The following TBC1D30 variants were observed in gnomAD, a reference collection of about 807,000 sequenced individuals.
The protein encoded by TBC1D30 is TBC1 domain family, member 30.
TBC1D30 carries 31 observed loss-of-function variants against 63.2 expected under a neutral mutation model. That is an observed-to-expected ratio of 0.49 (90% CI 0.37 to 0.66). The LOEUF is 0.66. Ranked by LOEUF, TBC1D30 falls within the 30% of genes least tolerant of loss-of-function variation. The pLI, the probability that TBC1D30 is intolerant of heterozygous loss-of-function variation, is 0.00. For missense variants in TBC1D30, 810 were observed against 953.6 expected, an observed-to-expected ratio of 0.85 and a Z score of 1.98; for synonymous variants, 307 against 361.5, an observed-to-expected ratio of 0.85 and a Z score of 1.71.
At position 64,825,191 on chromosome 12, in the gene TBC1D30, G is replaced by T. The variant is rs969044936; in HGVS notation, c.154+158G>T. 1.8e-3 allele frequency among the ~76,000 whole-genome samples: 267 copies of T among 152,338 alleles called. 3 individuals carry two copies. Among genetic ancestry groups the T allele is most frequent in the Non-Finnish European group, 4.9e-4 (33 of 68,024 alleles). On this transcript the variant is annotated intron_variant, in intron 1 of 11. Coordinates refer to ENST00000539867, the MANE Select transcript of TBC1D30 (RefSeq NM_015279.2). ...GCGTTGGCACCTGCAGGGAGCGATT[G>T]GTCTGGAAGGGTAGAGGGCAGACGG...
At chr12:64,837,574 G>A (rs1875478712) in intron 6 of TBC1D30, among the ~76,000 whole-genome samples, 1 of 152,096 alleles carries the variant, frequency 6.6e-6, no homozygotes, top group African/African-American at 2.4e-5. Context: ...AGGAGGCAGA[G>A]CTCAGGTAGT....
chr12:64,833,102 G>A (rs905674786), intron 5 of TBC1D30, among the ~76,000 whole-genome samples: 3 of 152,090 alleles, frequency 2.0e-5, no homozygotes, highest in Admixed American at 1.3e-4. Context: ...CACTAGTTAT[G>A]CTTAATTTTG....
In TBC1D30 at chr12:64,845,649, C is replaced by G. The variant is rs145643156; in HGVS notation, c.1038+2164C>G. On this transcript the variant is annotated intron_variant, in intron 8 of 11. Transcript: ENST00000539867. ...GCTGAGGCAGGAGAATGGCGTGAAC[C>G]TGGGAGGCAGAGCTTGCAGTGAGCC... 2.4e-3 allele frequency among the ~76,000 whole-genome samples: 365 copies of G among 151,554 alleles called. 2 individuals carry two copies. The highest frequency in any genetic ancestry group is 8.4e-3 in the African/African-American group (345 of 41,266).
chr12:64,813,768 A>T (rs187879627), intron 2 of TBC1D30, among the ~76,000 whole-genome samples: 57 of 152,296 alleles, frequency 3.7e-4, no homozygotes, highest in African/African-American at 1.3e-3. Context: ...TTGGATAAAA[A>T]GTCCTTTTCT....
At chr12:64,793,728 T>TCTAA (rs1209138739) in intron 2 of TBC1D30, among the ~76,000 whole-genome samples, 3 of 152,066 alleles carry the variant, frequency 2.0e-5, no homozygotes, top group Non-Finnish European at 4.4e-5. Context: ...TCCTGGGCAT[T>TCTAA]CTGTCCTTCA....
chr12:64,759,630 C>G (rs1348177556), exon 1 of TBC1D30: 2 of 302,006 alleles, frequency 6.6e-6, no homozygotes, highest in Non-Finnish European at 1.2e-5. Context: ...GGGCGGAGAA[C>G]CGGGAAAAGG....
chr12:64,778,746 G>C (rs1871150436), upstream of TBC1D30, among the ~76,000 whole-genome samples: 1 of 151,790 alleles, frequency 6.6e-6, no homozygotes, highest in Non-Finnish European at 1.5e-5. Flanking sequence ...GGATGGTCTC[G>C]ATCTCTTGAC....
At chr12:64,874,152 A>T (rs1402426210) in intron 11 of TBC1D30, among the ~76,000 whole-genome samples, 8 of 152,172 alleles carry the variant, frequency 5.3e-5, no homozygotes, top group Admixed American at 5.2e-4. Flanking sequence ...GCAGTGGCGC[A>T]ATGTCAGCTC....
chr12:64,847,890 G>T (rs1876528173), intron 8 of TBC1D30, among the ~76,000 whole-genome samples: 1 of 151,430 alleles, frequency 6.6e-6, no homozygotes, highest in Admixed American at 6.6e-5. Context: ...ATATCTACTA[G>T]GTCCATTTGT....
Position 64,877,945 on chromosome 12 carries a change from C to A in TBC1D30, c.*2157C>A, listed in dbSNP as rs1392234373. ...GTTAATGAGGTAGAGGCCACTTATA[C>A]AAGTCCTTGGGATTGTACCATTGCT... is the stretch of plus-strand genomic sequence containing the variant. On this transcript the variant is annotated 3_prime_UTR_variant, in exon 12 of 12. Coordinates refer to ENST00000539867, the MANE Select transcript of TBC1D30 (RefSeq NM_015279.2). 6.5e-6 allele frequency: 1 copy of A among 154,686 alleles called. No individual in the cohort carries two copies. Among genetic ancestry groups the A allele is most frequent in the Non-Finnish European group, 1.4e-5 (1 of 69,490 alleles). The allele number at this position is 154,686 out of a possible 1,614,324, so 9.6% of individuals were successfully genotyped here. A position where few individuals can be genotyped will look rare whatever the true frequency, so the allele number is the denominator to read the frequency against.
intron 1 of TBC1D30, among the ~76,000 whole-genome samples, chr12:64,761,388 A>G (rs1038921552): frequency 1.3e-5 from 2 of 152,240 alleles, no homozygotes; most frequent in Non-Finnish European, 2.9e-5. Flanking sequence ...AAAGGGGCTG[A>G]GTAAAATAAG....
Position 64,875,497 on chromosome 12 carries a change from T to A in TBC1D30, c.1995T>A (p.Asp665Glu), listed in dbSNP as rs1878992565. The A allele has an allele frequency of 8.5e-6, 13 of 1,536,156 alleles. No homozygotes were observed. The highest frequency in any genetic ancestry group is 1.7e-4 in the Middle Eastern group (1 of 5,990). The change falls in exon 12 of 12, where the codon GAT becomes GAA. Residue 665 changes from aspartate to glutamate, a missense_variant. Asp to Glu is a conservative substitution (Grantham distance 45). This residue lies in a region of TBC1D30 where 450 missense variants were observed against 473.0 expected (regional missense o/e 0.95). Coordinates refer to ENST00000539867, the MANE Select transcript of TBC1D30 (RefSeq NM_015279.2). Reference protein sequence around the residue: ...KLGALELNQRDAAAETELRVH... With the variant: ...KLGALELNQREAAAETELRVH... ...GAGCCCTGGAACTGAACCAGAGGGATGCTGCAGCTGAAACTGAGCTCAGGG... is the reference window on the plus strand; with the variant it reads ...GAGCCCTGGAACTGAACCAGAGGGAAGCTGCAGCTGAAACTGAGCTCAGGG...
chr12:64,828,458 C>T lies in TBC1D30; in HGVS notation c.231C>T (p.Leu77=). ...TTTGTTCCTAGTGGTACGATGCTCTCAAGGCAGTTGCCAGGCTATCCACAG... is the reference window on the plus strand; with the variant it reads ...TTTGTTCCTAGTGGTACGATGCTCTTAAGGCAGTTGCCAGGCTATCCACAG... The part of the protein sequence containing the change: ...QNGFQQWYDA[L]KAVARLSTGI... Residue 77 remains leucine, a synonymous_variant, in exon 3 of 12, where the codon CTC becomes CTT. Coordinates refer to ENST00000539867, the MANE Select transcript of TBC1D30 (RefSeq NM_015279.2). The T allele has an allele frequency of 6.5e-7, 1 of 1,535,798 alleles. No homozygotes were observed. Among genetic ancestry groups the T allele is most frequent in the Non-Finnish European group, 8.7e-7 (1 of 1,146,714 alleles).
At chr12:64,778,135 T>C (rs1235947310), upstream of TBC1D30, among the ~76,000 whole-genome samples, 5 of 152,180 alleles carry the variant, frequency 3.3e-5, no homozygotes, top group African/African-American at 9.7e-5. Flanking sequence ...GTGGCAGTAG[T>C]GTAGGGTGAG....
chr12:64,770,789 C>T (rs550453272), intron 1 of TBC1D30, among the ~76,000 whole-genome samples: 10 of 151,894 alleles, frequency 6.6e-5, no homozygotes, highest in Admixed American at 3.9e-4. Context: ...CTGCAACCTC[C>T]GCCTCCCGGG....
At chr12:64,808,988 G>T (rs1482874388) in intron 2 of TBC1D30, among the ~76,000 whole-genome samples, 11 of 152,138 alleles carry the variant, frequency 7.2e-5, no homozygotes, top group African/African-American at 2.7e-4. Context: ...GCATCCACCT[G>T]TTTGGCTGCT....
chr12:64,784,544 G>T (rs1440963500), intron 1 of TBC1D30, among the ~76,000 whole-genome samples: 1 of 150,302 alleles, frequency 6.7e-6, no homozygotes, highest in African/African-American at 2.5e-5. Flanking sequence ...GCTAGCTAAG[G>T]TTAAGTTGAG....
At chr12:64,825,077 CG>C in intron 1 of TBC1D30, 44 bp downstream of exon 1, 1 of 1,504,862 alleles carries the variant, frequency 6.6e-7, no homozygotes, top group East Asian at 2.5e-5. Context: ...AAAGTAGCGC[CG>C]GGGCTGCCCG....
At chr12:64,785,284 G>C (rs957724448) in intron 1 of TBC1D30, among the ~76,000 whole-genome samples, 1 of 151,946 alleles carries the variant, frequency 6.6e-6, no homozygotes, top group African/African-American at 2.4e-5. Flanking sequence ...GAGTAGCTGG[G>C]ATTACAGGCA....
Sources: allele counts gnomAD v4.1 joint callset (sites outside exome capture counted in the v4.1 genomes callset), GRCh38; gene constraint gnomAD v4.1.1; regional missense constraint gnomAD v4.1.1; transcripts MANE v1.5; gene names NCBI Gene and HGNC (gene_info 2026-07-23, HGNC 2026-07-21).